Variants in LMF1 observed in about 807,000 individuals in gnomAD.
LMF1 encodes the protein transmembrane protein 112.
A neutral mutation model predicts 60.6 loss-of-function variants in LMF1; 68 were observed. The ratio of observed to expected loss-of-function variants is 1.12; its 90% CI spans 0.92 to 1.37. The LOEUF is 1.37. LMF1 is among the 40% of genes most tolerant of loss of function. LMF1 has a pLI of 0.00. For synonymous variants in LMF1, 418 were observed against 324.7 expected (o/e 1.29, Z -3.09); for missense variants, 948 against 767.2 (o/e 1.24, Z -2.78).
Position 970,888 on chromosome 16 carries a change from G to T in LMF1, c.93C>A (p.Pro31=). 6.3e-7 allele frequency: 1 copy of T among 1,574,866 alleles called. No individual in the cohort carries two copies. Among genetic ancestry groups the T allele is most frequent in the East Asian group, 2.4e-5 (1 of 41,726 alleles). ...GYSDPEPESP[P]APGRGPAGSP... is the part of the protein sequence containing the mutation. ...AGCCTGCGGGGCCACGCCCCGGCGC[G>T]GGCGGCGACTCAGGCTCCGGATCCG... Residue 31 remains proline (P), a synonymous_variant, in exon 1 of 11, where the codon CCC becomes CCA. Transcript: ENST00000262301.
chr16:871,281 G>A lies in LMF1; in HGVS notation c.958C>T (p.Leu320=). 1 of 1,612,606 alleles carries A rather than the reference G, an allele frequency of 6.2e-7. No homozygotes were observed. Among genetic ancestry groups the A allele is most frequent in the Non-Finnish European group, 8.5e-7 (1 of 1,179,826 alleles). The change falls in exon 7 of 11, where the codon CTG becomes TTG. Residue 320 remains leucine, a synonymous_variant. Transcript: ENST00000262301. ...FLNWLTMVPS[L]ACFDDATLGF... ...AGGGTGGCGTCATCAAAGCAGGCCA[G>A]GCTGGGCACCATAGTCAGCCAGTTC...
At chr16:959,071 C>T (rs1465770861) in intron 1 of LMF1, among the ~76,000 whole-genome samples, 1 of 152,198 alleles carries the variant, frequency 6.6e-6, no homozygotes, top group Non-Finnish European at 1.5e-5. Context: ...GCTACTGCAC[C>T]TCTCAGGCCT....
intron 2 of LMF1, 70 bp downstream of exon 2, chr16:954,287 G>C: frequency 6.9e-7 from 1 of 1,447,976 alleles, no homozygotes; most frequent in South Asian, 1.2e-5. Flanking sequence ...CCAAGTGCCA[G>C]GACACCTGCA....
intron 2 of LMF1, among the ~76,000 whole-genome samples, chr16:939,299 G>A (rs189859024): frequency 6.6e-5 from 10 of 152,308 alleles, no homozygotes; most frequent in South Asian, 2.1e-4. Context: ...GGCGGCACCC[G>A]TCCACCACGC....
In LMF1 at chr16:952,980, C is replaced by T. The variant is rs1382433589; in HGVS notation, c.503+1377G>A. ...GTCCACACAGACACCCCAAACCAGC[C>T]TCCTACATATCCACACAGACACCCC... On this transcript the variant is annotated intron_variant, in intron 2 of 10. Transcript: ENST00000262301. Among the ~76,000 whole-genome samples the T allele has an allele frequency of 3.8e-3, 244 of 64,012 alleles. 22 individuals are homozygous for T. Among genetic ancestry groups the T allele is most frequent in the South Asian group, 0.012 (15 of 1,270 alleles). 42.0% of individuals were successfully genotyped at this position (64,012 alleles called of 152,430 possible). A position where few individuals can be genotyped will look rare whatever the true frequency, so the allele number is the denominator to read the frequency against.
intron 5 of LMF1, among the ~76,000 whole-genome samples, chr16:881,012 A>G (rs1266050918): frequency 6.6e-6 from 1 of 152,212 alleles, no homozygotes; most frequent in Non-Finnish European, 1.5e-5. Context: ...CACGCCCTGC[A>G]GGGAGGGAGG....
At chr16:974,298 G>A (rs116778217), upstream of LMF1, among the ~76,000 whole-genome samples, 2,305 of 152,300 alleles carry the variant, frequency 0.015, 60 homozygotes, top group African/African-American at 0.052. Flanking sequence ...CTTTCACCCT[G>A]CAGCTCAGTG....
At chr16:882,459 G>A (rs539278294) in intron 5 of LMF1, among the ~76,000 whole-genome samples, 1 of 152,360 alleles carries the variant, frequency 6.6e-6, no homozygotes, top group African/African-American at 2.4e-5. Flanking sequence ...GAAGCCAATG[G>A]TGGCCATGTG....
rs924126857 is a variant in LMF1, at chr16:878,729, C to A, written c.897+841G>T. Among the ~76,000 whole-genome samples the A allele has an allele frequency of 5.0e-4, 43 of 85,426 alleles. No homozygotes were observed. The East Asian group carries it at 0.015, about 30-fold the overall frequency. 56.0% of individuals were successfully genotyped at this position (85,426 alleles called of 152,430 possible). A position where few individuals can be genotyped will look rare whatever the true frequency, so the allele number is the denominator to read the frequency against. Reference sequence around the variant, plus strand: ...GCGGCGGTGCTCTGGCAGGGGTGGGCAGGGCAGGGGAAGGGCGGGGGCAGG... The same window carrying A: ...GCGGCGGTGCTCTGGCAGGGGTGGGAAGGGCAGGGGAAGGGCGGGGGCAGG... On this transcript the variant is annotated intron_variant, in intron 6 of 10. Transcript: ENST00000262301. This position sits in a 1 kb window ranked among gnomAD's most constrained non-coding sequence, Gnocchi z 5.2.
rs951399405 is a variant in LMF1, at chr16:875,434, G to A, written c.898-4093C>T. ...AAACAAGGACGTTTTTGAGGCCTCT[G>A]GTTCAAGGGTCACCTCCCCATTCCA... On this transcript the variant is annotated intron_variant, in intron 6 of 10. Transcript: ENST00000262301. 3.3e-5 allele frequency among the ~76,000 whole-genome samples: 5 copies of A among 152,138 alleles called. No homozygotes were observed. In the East Asian group the frequency reaches 7.7e-4, roughly 23 times the overall value.
chr16:876,194 A>T (rs932869559), intron 6 of LMF1, among the ~76,000 whole-genome samples: 1 of 152,260 alleles, frequency 6.6e-6, no homozygotes, highest in African/African-American at 2.4e-5. Flanking sequence ...CCGAAGAGAA[A>T]CAAGCAGTGG....
chr16:862,443 CTATT>C (rs2151689876), intron 10 of LMF1, among the ~76,000 whole-genome samples: 1 of 152,226 alleles, frequency 6.6e-6, no homozygotes, highest in South Asian at 2.1e-4. Context: ...TGTGCCCAGT[CTATT>C]TAGTAATATT....
rs562448817 is a variant in LMF1 at position 933,800 on chromosome 16, G to A, written c.514+444C>T. On this transcript the variant is annotated intron_variant, in intron 3 of 10. Transcript: ENST00000262301. ...CTCTTCCCACCCTCCAGTATTGACT[G>A]CGTTGTGTGGGATGGGGAAGACCTC... 12 of 435,736 alleles carry A rather than the reference G, an allele frequency of 2.8e-5. No individual in the cohort carries two copies. In the East Asian group the frequency reaches 7.8e-4, roughly 28 times the overall value. 27.0% of individuals were successfully genotyped at this position (435,736 alleles called of 1,614,324 possible).
intron 3 of LMF1, among the ~76,000 whole-genome samples, chr16:924,663 G>A (rs2071544375): frequency 6.6e-6 from 1 of 152,162 alleles, no homozygotes; most frequent in Admixed American, 6.5e-5. Flanking sequence ...GTGGGTAGCC[G>A]CCCTCCAGTT....
At chr16:861,295 A>G (rs1257009042) in intron 10 of LMF1, among the ~76,000 whole-genome samples, 4 of 150,728 alleles carry the variant, frequency 2.7e-5, no homozygotes, top group East Asian at 1.9e-4. Context: ...ATACTATTGA[A>G]TCATTTAGGT....
chr16:860,722 G>A (rs552182345), intron 10 of LMF1, among the ~76,000 whole-genome samples: 3 of 152,198 alleles, frequency 2.0e-5, no homozygotes, highest in East Asian at 1.9e-4. Flanking sequence ...GACGTGGGTC[G>A]AAGATTTTGT....
chr16:895,054 G>A (rs552512202), intron 4 of LMF1, among the ~76,000 whole-genome samples: 18 of 152,278 alleles, frequency 1.2e-4, no homozygotes, highest in East Asian at 7.7e-4. Context: ...TGAGGAGGCC[G>A]CGGGGGGAGG....
upstream of LMF1, chr16:981,436 C>CG: frequency 3.5e-6 from 1 of 286,524 alleles, no homozygotes; most frequent in South Asian, 2.4e-5. Context: ...AGCGTCAGGA[C>CG]GGGGGGCGGA....
At chr16:930,476 G>A (rs376007103) in intron 3 of LMF1, among the ~76,000 whole-genome samples, 7 of 151,530 alleles carry the variant, frequency 4.6e-5, no homozygotes, top group Admixed American at 3.9e-4. Context: ...CGGGAGGATC[G>A]CCTGAGCCCG....
Sources: allele counts gnomAD v4.1 joint callset (sites outside exome capture counted in the v4.1 genomes callset), GRCh38; gene constraint gnomAD v4.1.1; non-coding constraint Gnocchi (gnomAD v3.1); transcripts MANE v1.5; gene names NCBI Gene and HGNC (gene_info 2026-07-23, HGNC 2026-07-21).